FAM217A: variants seen among roughly 807,000 people sequenced by gnomAD.
The protein encoded by FAM217A is protein FAM217A.
Under a neutral mutation model 18.5 loss-of-function variants are expected in FAM217A, and 13 were observed. The observed-to-expected ratio is 0.70, with a 90% CI of 0.46 to 1.12. The LOEUF (loss-of-function observed/expected upper bound fraction) is 1.12. Among genes scored for constraint, FAM217A ranks in the 50% most tolerant of loss-of-function variants. FAM217A has a pLI of 0.00. For missense variants in FAM217A, 560 were observed against 575.4 expected (o/e 0.97, Z 0.27); for synonymous variants, 161 against 202.8 (o/e 0.79, Z 1.75).
intron 1 of FAM217A, among the ~76,000 whole-genome samples, 161 bp from the exon 2 acceptor site, chr6:4,077,609 C>T (rs749521058): frequency 2.4e-4 from 36 of 152,066 alleles, no homozygotes; most frequent in Non-Finnish European, 7.4e-5. Flanking sequence ...ACGAAACCAA[C>T]CAGAAGCAAG....
At position 4,069,087 on chromosome 6, in the gene FAM217A, C is replaced by T; in HGVS notation, c.1136G>A (p.Trp379Ter). 1.2e-6 allele frequency: 2 copies of T among 1,614,092 alleles called. No individual in the cohort carries two copies. The highest frequency in any genetic ancestry group is 8.5e-7 in the Non-Finnish European group (1 of 1,180,006). Reference sequence around the variant, plus strand: ...TTTTAGAGACAGTGGTCTAGAATTCCATCTATATTTGCCAGCATTGCTCCA... The same window carrying T: ...TTTTAGAGACAGTGGTCTAGAATTCTATCTATATTTGCCAGCATTGCTCCA... ...RNWSNAGKYRWNSRPLSLKSS... is the reference protein window; with the variant it reads ...RNWSNAGKYR Residue 379 changes from tryptophan to a stop codon, truncating the protein, a stop_gained, in exon 7 of 7, where the codon TGG (tryptophan) becomes TAG (stop). Coordinates refer to ENST00000274673, the MANE Select transcript of FAM217A (RefSeq NM_173563.3). LOFTEE classifies it low-confidence loss of function (END_TRUNC).
chr6:4,085,852 G>A (rs994730203), intron 1 of FAM217A, among the ~76,000 whole-genome samples: 2 of 152,204 alleles, frequency 1.3e-5, no homozygotes, highest in Non-Finnish European at 1.5e-5. Flanking sequence ...GCTTGCGCTT[G>A]TAATCACAGC....
At chr6:4,085,545 G>T (rs564225685) in intron 1 of FAM217A, among the ~76,000 whole-genome samples, 1 of 151,900 alleles carries the variant, frequency 6.6e-6, no homozygotes, top group African/African-American at 2.4e-5. Flanking sequence ...ATGTTGAATG[G>T]CTTAAAACAT....
In FAM217A at chr6:4,076,338, GA is replaced by G. The variant is rs796414665; in HGVS notation, c.60+1016del. Among the ~76,000 whole-genome samples, 325 of 101,498 alleles carry G rather than the reference GA, an allele frequency of 3.2e-3. 1 individual carries two copies. The highest frequency in any genetic ancestry group is 6.6e-3 in the African/African-American group (209 of 31,814). The allele number at this position is 101,498 out of a possible 152,430, so 66.6% of individuals were successfully genotyped here. The stretch of plus-strand genomic sequence containing the variant: ...AGTGAGACTCCGTCTCAAAAAAAAA[GA>G]AAAAAAAAAAAAAGAATGAGGGTGA... On this transcript the variant is annotated intron_variant, in intron 2 of 6. Coordinates refer to ENST00000274673, the MANE Select transcript of FAM217A (RefSeq NM_173563.3).
chr6:4,078,963 G>C lies in FAM217A; in HGVS notation c.-146C>G. 1.9e-6 allele frequency: 1 copy of C among 529,378 alleles called. No homozygotes were observed. Among genetic ancestry groups the C allele is most frequent in the Non-Finnish European group, 3.3e-6 (1 of 300,392 alleles). The allele number at this position is 529,378 out of a possible 1,614,324, so 32.8% of individuals were successfully genotyped here. A position where few individuals can be genotyped will look rare whatever the true frequency, so the allele number is the denominator to read the frequency against. On this transcript the variant is annotated 5_prime_UTR_variant, in exon 1 of 7. Coordinates refer to ENST00000274673, the MANE Select transcript of FAM217A (RefSeq NM_173563.3). Reference sequence around the variant, plus strand: ...CTTGGAGGGCGCCCCCTCTGCCGCGGCCTTCCTGCAGCGGGGGGACAAAGA... The same window carrying C: ...CTTGGAGGGCGCCCCCTCTGCCGCGCCCTTCCTGCAGCGGGGGGACAAAGA...
In FAM217A at chr6:4,069,475, C is replaced by G. The variant is rs1276727911; in HGVS notation, c.748G>C (p.Asp250His). ...GCACTGAAAGGAGGAGGGAGAAAAT[C>G]AGGATATGGAAATACTTCATTTGGC... ...EEPNEVFPYP[D>H]FLPPPFSALD... The change falls in exon 7 of 7, where the codon GAT becomes CAT. Residue 250 changes from aspartate (D) to histidine (H), a missense_variant. Asp to His is a moderately conservative substitution (Grantham distance 81). Coordinates refer to ENST00000274673, the MANE Select transcript of FAM217A (RefSeq NM_173563.3). 1 of 1,614,134 alleles carries G rather than the reference C, an allele frequency of 6.2e-7. No homozygotes were observed. The highest frequency in any genetic ancestry group is 1.1e-5 in the South Asian group (1 of 91,078).
Position 4,068,475 on chromosome 6 carries a change from C to G in FAM217A, c.*221G>C. 2.3e-6 allele frequency: 1 copy of G among 433,428 alleles called. No homozygotes were observed. Among genetic ancestry groups the G allele is most frequent in the Non-Finnish European group, 4.0e-6 (1 of 248,678 alleles). The allele number at this position is 433,428 out of a possible 1,614,324, so 26.8% of individuals were successfully genotyped here. ...AGTGAACCATTTACTTGAAACACAA[C>G]ATGCAAAAGATTGTGAAATATGTCA... On this transcript the variant is annotated 3_prime_UTR_variant, in exon 7 of 7. Coordinates refer to ENST00000274673, the MANE Select transcript of FAM217A (RefSeq NM_173563.3).
chr6:4,077,758 G>A (rs1228000618), intron 1 of FAM217A, among the ~76,000 whole-genome samples: 2 of 152,160 alleles, frequency 1.3e-5, no homozygotes, highest in East Asian at 3.9e-4. Context: ...AAACTATGGT[G>A]AATTATCTGG....
chr6:4,081,519 C>T (rs1770299280), upstream of FAM217A, among the ~76,000 whole-genome samples: 1 of 152,132 alleles, frequency 6.6e-6, no homozygotes, highest in Non-Finnish European at 1.5e-5. Flanking sequence ...GCCATGTTGG[C>T]CAGGCTGGTC....
rs1391345006 is a variant in FAM217A at position 4,068,922 on chromosome 6, C to A, written c.1301G>T (p.Arg434Ile). The part of the protein sequence containing the change: ...NQSMVKMVST[R>I]CLPWRSPMPV... The stretch of plus-strand genomic sequence containing the variant: ...CATTGGAGACCTCCATGGCAGACAT[C>A]TTGTGGAGACCATTTTAACCATTGA... Residue 434 changes from arginine (R) to isoleucine (I), a missense_variant, in exon 7 of 7, where the codon AGA becomes ATA. Coordinates refer to ENST00000274673, the MANE Select transcript of FAM217A (RefSeq NM_173563.3). 6.2e-7 allele frequency: 1 copy of A among 1,614,142 alleles called. No homozygotes were observed. Among genetic ancestry groups the A allele is most frequent in the East Asian group, 2.2e-5 (1 of 44,868 alleles).
intron 6 of FAM217A, among the ~76,000 whole-genome samples, chr6:4,070,890 G>A (rs1432861699): frequency 1.3e-5 from 2 of 152,010 alleles, no homozygotes; most frequent in African/African-American, 4.8e-5. Context: ...CTGCTCCTCT[G>A]GAGGCTGAGT....
chr6:4,078,784 G>T, intron 1 of FAM217A, 68 bp downstream of exon 1: 1 of 423,916 alleles, frequency 2.4e-6, no homozygotes. Flanking sequence ...GGACTGGGTG[G>T]GGAGCCCAGT....
chr6:4,069,559 C>T lies in FAM217A; in HGVS notation c.664G>A (p.Val222Met), dbSNP rs756780516. Reference protein sequence around the residue: ...NDTLLSYFKKVDLNLKPETIK... With the variant: ...NDTLLSYFKKMDLNLKPETIK... ...GTTTCTGGCTTCAAGTTCAGGTCCA[C>T]CTTTTTAAAATAGCTGAGTAAAGTA... is the stretch of plus-strand genomic sequence containing the variant. The change falls in exon 7 of 7, where the codon GTG becomes ATG. Residue 222 changes from valine to methionine, a missense_variant. Coordinates refer to ENST00000274673, the MANE Select transcript of FAM217A (RefSeq NM_173563.3). 1 of 1,614,072 alleles carries T rather than the reference C, an allele frequency of 6.2e-7. No homozygotes were observed. The highest frequency in any genetic ancestry group is 2.2e-5 in the East Asian group (1 of 44,878).
intron 2 of FAM217A, 114 bp from the exon 3 acceptor site, chr6:4,074,775 T>A: frequency 1.4e-6 from 1 of 715,348 alleles, no homozygotes; most frequent in Non-Finnish European, 2.4e-6. Context: ...TTCATGACTC[T>A]CACCCCTCAT....
chr6:4,074,602 T>A lies in FAM217A; in HGVS notation c.120A>T (p.Pro40=). The A allele has an allele frequency of 6.2e-7, 1 of 1,613,700 alleles. No homozygotes were observed. The highest frequency in any genetic ancestry group is 8.5e-7 in the Non-Finnish European group (1 of 1,179,636). The change falls in exon 3 of 7, where the codon CCA becomes CCT. Residue 40 remains proline (P), a synonymous_variant. Transcript: ENST00000274673. ...CACCTGCTGCTCCATCCCTTCCAGCTGGGAGGTTTTTATTTTCAGAAACAG... is the reference window on the plus strand; with the variant it reads ...CACCTGCTGCTCCATCCCTTCCAGCAGGGAGGTTTTTATTTTCAGAAACAG... ...EVPVSENKNL[P]AGRDGAAGGK...
intron 2 of FAM217A, among the ~76,000 whole-genome samples, chr6:4,074,880 T>C (rs1173321422): frequency 6.6e-6 from 1 of 151,994 alleles, no homozygotes; most frequent in Admixed American, 6.6e-5. Context: ...GGAATCAGGC[T>C]TTTACAATAA....
intron 6 of FAM217A, among the ~76,000 whole-genome samples, chr6:4,071,022 A>T (rs980905022): frequency 6.6e-6 from 1 of 152,118 alleles, no homozygotes; most frequent in Non-Finnish European, 1.5e-5. Context: ...AAAGAAAAAG[A>T]AAAAAATACT....
At chr6:4,083,696 C>T (rs1016439726), upstream of FAM217A, among the ~76,000 whole-genome samples, 16 of 151,800 alleles carry the variant, frequency 1.1e-4, no homozygotes, top group Admixed American at 2.6e-4. Flanking sequence ...GGACTACAGG[C>T]GCATGCCACC....
rs144345126 is a variant in FAM217A, at chr6:4,074,751, G to T, written c.61-90C>A. 171 of 942,436 alleles carry T rather than the reference G, an allele frequency of 1.8e-4. 4 individuals carry two copies. In the East Asian group the frequency reaches 2.0e-3, roughly 11 times the overall value. 58.4% of individuals were successfully genotyped at this position (942,436 alleles called of 1,614,324 possible). ...ACATGTTCTTGGGGTAAAGTATGAC[G>T]AAAGGCACAAAGCTTCATGACTCTC... On this transcript the variant is annotated intron_variant, in intron 2 of 6. Transcript: ENST00000274673.
Sources: gnomAD v4.1 joint callset for allele counts (sites outside exome capture counted in the v4.1 genomes callset) on GRCh38, gnomAD v4.1.1 for gene constraint, MANE v1.5 for transcripts, NCBI Gene and HGNC (gene_info 2026-07-23, HGNC 2026-07-21) for gene names.